CTPS1: variants seen among roughly 807,000 people sequenced by gnomAD.
CTPS1 encodes CTP synthetase 1.
CTPS1 carries 25 observed loss-of-function variants against 80.5 expected under a neutral mutation model. That is an observed-to-expected ratio of 0.31 (90% CI 0.23 to 0.43). CTPS1 has a LOEUF of 0.43. Ranked by LOEUF, CTPS1 falls within the 20% of genes least tolerant of loss-of-function variation. The probability of loss-of-function intolerance (pLI) is 1.00; values close to 1 mark genes in which losing one functional copy is unlikely to be tolerated. For missense variants in CTPS1, 442 were observed against 725.7 expected (o/e 0.61, Z 4.49); for synonymous variants, 267 against 252.5 (o/e 1.06, Z -0.54).
intron 17 of CTPS1, among the ~76,000 whole-genome samples, chr1:41,009,852 G>T (rs1479838979): frequency 6.6e-6 from 1 of 152,144 alleles, no homozygotes; most frequent in Non-Finnish European, 1.5e-5. Context: ...CATGTTAAGG[G>T]GAACTAGTTT....
chr1:40,985,038 A>G (rs201019829), intron 3 of CTPS1, 47 bp downstream of exon 3: 58 of 1,379,180 alleles, frequency 4.2e-5, no homozygotes, highest in Non-Finnish European at 4.5e-5. Flanking sequence ...AACCAGTTTA[A>G]TTTCTTCTCC....
At position 40,990,465 on chromosome 1, in the gene CTPS1, A is replaced by G. The variant is rs12135364; in HGVS notation, c.556-700A>G. On this transcript the variant is annotated intron_variant, in intron 5 of 18. Transcript: ENST00000650070. ...CCCTTAGCAACAATACTGGAAGCTA[A>G]AAGACATTGATGCTATTTCATTAAA... Among the ~76,000 whole-genome samples the G allele has an allele frequency of 9.8e-3, 1,490 of 152,292 alleles. 11 individuals carry two copies. The highest frequency in any genetic ancestry group is 0.015 in the Non-Finnish European group (996 of 68,026).
chr1:40,986,484 C>T (rs977465930), intron 3 of CTPS1, among the ~76,000 whole-genome samples: 9 of 152,272 alleles, frequency 5.9e-5, no homozygotes, highest in Middle Eastern at 3.4e-3. Flanking sequence ...GGGAAGCCAC[C>T]GAAAAGTTGA....
intron 7 of CTPS1, among the ~76,000 whole-genome samples, chr1:40,995,588 A>G (rs889219112): frequency 3.9e-5 from 6 of 152,062 alleles, no homozygotes; most frequent in African/African-American, 1.4e-4. Flanking sequence ...TTGTAGAGAC[A>G]GTGTTTTACC....
At chr1:40,996,110 C>G (rs776255545) in intron 8 of CTPS1, 42 bp downstream of exon 8, 1 of 1,611,702 alleles carries the variant, frequency 6.2e-7, no homozygotes, top group Admixed American at 1.7e-5. Context: ...GCCTCCTTTA[C>G]TCTTTTGTAG....
intron 18 of CTPS1, 113 bp from the exon 19 acceptor site, chr1:41,011,545 C>T (rs1458311550): frequency 6.6e-6 from 1 of 152,214 alleles, no homozygotes; most frequent in African/African-American, 2.4e-5. Context: ...GCTCCTTCTA[C>T]TGCTCTGCCA....
intron 11 of CTPS1, among the ~76,000 whole-genome samples, chr1:41,002,816 A>C (rs745618523): frequency 6.6e-6 from 1 of 152,186 alleles, no homozygotes; most frequent in African/African-American, 2.4e-5. Flanking sequence ...ACTGCACTCC[A>C]GAGTGGGCAA....
intron 5 of CTPS1, among the ~76,000 whole-genome samples, chr1:40,990,856 A>C (rs952764300): frequency 6.6e-6 from 1 of 152,216 alleles, no homozygotes; most frequent in Non-Finnish European, 1.5e-5. Flanking sequence ...CAGGGAAATC[A>C]ATAGAAAATG....
intron 14 of CTPS1, among the ~76,000 whole-genome samples, chr1:41,008,133 CTG>C (rs1263826366): frequency 3.3e-5 from 5 of 152,180 alleles, no homozygotes; most frequent in Admixed American, 2.0e-4. Context: ...CTTACCAACT[CTG>C]ATGTTCTGTG....
intron 11 of CTPS1, among the ~76,000 whole-genome samples, chr1:41,002,736 T>G (rs1199200137): frequency 2.0e-5 from 3 of 152,222 alleles, no homozygotes; most frequent in African/African-American, 7.2e-5. Flanking sequence ...AACCCAACAC[T>G]TGTGGAGGCT....
At chr1:40,987,613 AG>A (rs200542492) in intron 4 of CTPS1, 141 bp downstream of exon 4, 4 of 555,368 alleles carry the variant, frequency 7.2e-6, no homozygotes, top group Non-Finnish European at 1.3e-5. Context: ...GTAAGGGCAC[AG>A]TTAACAGTCA....
At chr1:41,009,826 G>A (rs772952001) in intron 17 of CTPS1, among the ~76,000 whole-genome samples, 30 of 152,212 alleles carry the variant, frequency 2.0e-4, no homozygotes, top group Non-Finnish European at 3.4e-4. Flanking sequence ...CACACTTGGC[G>A]TAGGACCCTC....
intron 7 of CTPS1, among the ~76,000 whole-genome samples, chr1:40,992,586 G>C (rs534459512): frequency 6.6e-6 from 1 of 151,970 alleles, no homozygotes; most frequent in African/African-American, 2.4e-5. Flanking sequence ...GTGATACATT[G>C]AGCATGTAGC....
chr1:40,982,394 C>CT (rs138712726), intron 1 of CTPS1, among the ~76,000 whole-genome samples: 30,298 of 149,152 alleles, frequency 0.2, 3,870 homozygotes, highest in Non-Finnish European at 0.29. Flanking sequence ...AAGAGAACTA[C>CT]TTTTTCTTTT....
rs772675294 is a variant in CTPS1 at position 41,009,538 on chromosome 1, C to G, written c.1640C>G (p.Ser547Cys). The G allele has an allele frequency of 1.2e-6, 2 of 1,614,192 alleles. No homozygotes were observed. Among genetic ancestry groups the G allele is most frequent in the South Asian group, 2.2e-5 (2 of 91,078 alleles). Residue 547 changes from serine to cysteine, a missense_variant, in exon 17 of 19, where the codon TCT becomes TGT. Coordinates refer to ENST00000650070, the MANE Select transcript of CTPS1 (RefSeq NM_001905.4). ...SPPYFGLLLA[S>C]VGRLSHYLQK... ...CCATACTTTGGCCTCCTCCTGGCCT[C>G]TGTGGGGCGGCTCTCACATTACCTC...
intron 1 of CTPS1, among the ~76,000 whole-genome samples, chr1:40,981,551 G>T (rs1642292104): frequency 6.6e-6 from 1 of 152,168 alleles, no homozygotes; most frequent in Non-Finnish European, 1.5e-5. Flanking sequence ...TGATTTTCAT[G>T]TGTCAATAAG....
intron 4 of CTPS1, 171 bp from the exon 5 acceptor site, chr1:40,988,423 T>G (rs1642514205): frequency 3.3e-6 from 2 of 599,130 alleles, no homozygotes; most frequent in Non-Finnish European, 6.0e-6. Context: ...AACCTTTTAG[T>G]ACAAAGAGTT....
At chr1:41,005,083 T>C (rs1354416369) in intron 12 of CTPS1, among the ~76,000 whole-genome samples, 1 of 151,894 alleles carries the variant, frequency 6.6e-6, no homozygotes, top group African/African-American at 2.4e-5. Context: ...GAGCCAAGAT[T>C]GTGCCACTGC....
At chr1:40,996,267 G>C (rs571300676) in intron 8 of CTPS1, 199 bp downstream of exon 8, 3 of 613,886 alleles carry the variant, frequency 4.9e-6, no homozygotes, top group South Asian at 4.0e-5. Context: ...ATCCTGATAG[G>C]GCCAGGCCAG....
Sources: allele counts gnomAD v4.1 joint callset (sites outside exome capture counted in the v4.1 genomes callset), GRCh38; gene constraint gnomAD v4.1.1; transcripts MANE v1.5; gene names NCBI Gene and HGNC (gene_info 2026-07-23, HGNC 2026-07-21).